SNX29: variants seen among roughly 807,000 people sequenced by gnomAD.
SNX29 encodes the protein sorting nexin 29.
A neutral mutation model predicts 102.1 loss-of-function variants in SNX29; 78 were observed. The observed-to-expected ratio is 0.76, with a 90% CI of 0.64 to 0.92. The LOEUF is 0.92. SNX29 is among the 40% of genes least tolerant of loss of function. The probability of loss-of-function intolerance (pLI) is 0.00; values close to 1 mark genes in which losing one functional copy is unlikely to be tolerated. For synonymous variants in SNX29, 580 were observed against 414.5 expected (o/e 1.40, Z -4.85); for missense variants, 1,280 against 1,061.7 (o/e 1.21, Z -2.86).
intron 2 of SNX29, among the ~76,000 whole-genome samples, chr16:12,001,423 A>G (rs1405410745): frequency 6.6e-6 from 1 of 151,628 alleles, no homozygotes; most frequent in Non-Finnish European, 1.5e-5. Context: ...TGCTGTTATT[A>G]TTATCATTAT....
chr16:12,132,844 AG>A (rs1187166249), intron 13 of SNX29, among the ~76,000 whole-genome samples: 1 of 152,258 alleles, frequency 6.6e-6, no homozygotes, highest in Non-Finnish European at 1.5e-5. Flanking sequence ...AACTAGAAGC[AG>A]GGAAACCGAT....
chr16:12,287,881 A>G (rs1445490210), intron 15 of SNX29, among the ~76,000 whole-genome samples: 1 of 152,076 alleles, frequency 6.6e-6, no homozygotes, highest in Non-Finnish European at 1.5e-5. Context: ...GATCCTAGAG[A>G]ATTTCTCCTA....
chr16:12,559,160 C>T (rs925457135), intron 20 of SNX29, among the ~76,000 whole-genome samples: 2 of 152,112 alleles, frequency 1.3e-5, no homozygotes, highest in African/African-American at 2.4e-5. Context: ...GGCCCAGTAC[C>T]AGTCCATAGC....
At chr16:12,029,648 G>C (rs765134149) in intron 4 of SNX29, 2 of 451,170 alleles carry the variant, frequency 4.4e-6, no homozygotes, top group South Asian at 3.1e-5. Flanking sequence ...CTGGAGTGCA[G>C]TGGCATGATC....
intron 2 of SNX29, among the ~76,000 whole-genome samples, chr16:11,999,948 C>G (rs894016081): frequency 2.6e-5 from 4 of 151,016 alleles, no homozygotes; most frequent in Non-Finnish European, 5.9e-5. Flanking sequence ...GTCTCATTGT[C>G]TCATTTCCAA....
chr16:12,214,725 G>A (rs1055579522), intron 14 of SNX29, among the ~76,000 whole-genome samples: 1 of 152,016 alleles, frequency 6.6e-6, no homozygotes, highest in African/African-American at 2.4e-5. Flanking sequence ...TCCCTGTGGG[G>A]TGCCTTCTAT....
intron 1 of SNX29, among the ~76,000 whole-genome samples, chr16:11,986,223 C>T (rs1012666918): frequency 1.3e-5 from 2 of 151,798 alleles, no homozygotes; most frequent in African/African-American, 4.8e-5. Context: ...TTTTTGCTGT[C>T]CGGGAGCCCT....
rs2079163938 is a variant in SNX29 at position 12,570,472 on chromosome 16, T to TGC, written c.*1843_*1844insGC. The TGC allele has an allele frequency of 8.5e-6, 2 of 234,236 alleles. No homozygotes were observed. The highest frequency in any genetic ancestry group is 1.7e-5 in the Non-Finnish European group (2 of 119,216). The allele number at this position is 234,236 out of a possible 1,614,324, so 14.5% of individuals were successfully genotyped here. ...ACTGAGGCAGGAAACGTCTAAAAGC[T>TGC]CAATCTGCTGTATGTCATGACCCCT... On this transcript the variant is annotated 3_prime_UTR_variant, in exon 21 of 21. Coordinates refer to ENST00000566228, the MANE Select transcript of SNX29 (RefSeq NM_032167.5).
At chr16:12,230,070 T>G (rs2142188869) in intron 14 of SNX29, among the ~76,000 whole-genome samples, 1 of 152,356 alleles carries the variant, frequency 6.6e-6, no homozygotes, top group East Asian at 1.9e-4. Context: ...CAATAAAACT[T>G]TATTTACAAA....
chr16:12,443,253 G>C (rs946514455), intron 18 of SNX29: 18 of 291,018 alleles, frequency 6.2e-5, no homozygotes, highest in Non-Finnish European at 1.2e-4. Flanking sequence ...AGGGTCACCT[G>C]TGTGCTACTA....
At chr16:11,992,010 T>C (rs2055873256) in intron 1 of SNX29, among the ~76,000 whole-genome samples, 2 of 152,156 alleles carry the variant, frequency 1.3e-5, no homozygotes, top group East Asian at 1.9e-4. Context: ...CATAAAAATA[T>C]TGGGCCAAGA....
intron 20 of SNX29, among the ~76,000 whole-genome samples, chr16:12,556,088 C>G (rs1038267636): frequency 6.6e-6 from 1 of 152,090 alleles, no homozygotes; most frequent in African/African-American, 2.4e-5. Flanking sequence ...GAATTAATTT[C>G]TGCTTTCATT....
chr16:12,368,248 A>G (rs1173186818), intron 16 of SNX29, among the ~76,000 whole-genome samples: 1 of 152,222 alleles, frequency 6.6e-6, no homozygotes, highest in Admixed American at 6.5e-5. Context: ...CAGCTGTGGA[A>G]CTTTACACTT....
chr16:12,027,189 C>T, intron 3 of SNX29, 131 bp from the exon 4 acceptor site: 1 of 1,069,724 alleles, frequency 9.3e-7, no homozygotes, highest in Non-Finnish European at 1.3e-6. Flanking sequence ...CCTGCACATC[C>T]AGGTGTCTCC....
At chr16:12,211,819 A>G (rs1411324599) in intron 14 of SNX29, among the ~76,000 whole-genome samples, 2 of 152,042 alleles carry the variant, frequency 1.3e-5, no homozygotes, top group East Asian at 3.8e-4. Flanking sequence ...GATGAGGCCC[A>G]CTCTCATTAT....
At chr16:12,485,543 C>G (rs958871873) in intron 19 of SNX29, among the ~76,000 whole-genome samples, 2 of 152,136 alleles carry the variant, frequency 1.3e-5, no homozygotes, top group African/African-American at 2.4e-5. Flanking sequence ...CTCGCCGAGC[C>G]GTGGGAAGCC....
chr16:12,544,699 C>A lies in SNX29; in HGVS notation c.2318+19858C>A, dbSNP rs367994822. 7.4e-4 allele frequency among the ~76,000 whole-genome samples: 113 copies of A among 152,316 alleles called. 1 individual carries two copies. In the South Asian group the frequency reaches 9.1e-3, roughly 12 times the overall value. ...GAGCGCTGTCACTCGAATTCTCTTC[C>A]TCCACCATCCCTTTAATAGGAGGGG... On this transcript the variant is annotated intron_variant, in intron 20 of 20. Coordinates refer to ENST00000566228, the MANE Select transcript of SNX29 (RefSeq NM_032167.5).
chr16:12,045,554 C>T (rs142343493), intron 5 of SNX29, among the ~76,000 whole-genome samples: 287 of 151,768 alleles, frequency 1.9e-3, no homozygotes, highest in African/African-American at 6.4e-3. Context: ...TTTTTAGCCT[C>T]CTAGCCTTTT....
At chr16:12,552,846 G>T (rs958955360) in intron 20 of SNX29, among the ~76,000 whole-genome samples, 3 of 152,244 alleles carry the variant, frequency 2.0e-5, no homozygotes, top group African/African-American at 7.2e-5. Flanking sequence ...CCAGAGAGGA[G>T]AGGGTGTGGC....
Sources: gnomAD v4.1 joint callset for allele counts (sites outside exome capture counted in the v4.1 genomes callset) on GRCh38, gnomAD v4.1.1 for gene constraint, MANE v1.5 for transcripts, NCBI Gene and HGNC (gene_info 2026-07-23, HGNC 2026-07-21) for gene names.